Variants in BCKDHB observed in about 807,000 individuals in gnomAD.
BCKDHB encodes branched chain keto acid dehydrogenase E1 subunit beta, also known as 2-oxoisovalerate dehydrogenase subunit beta, mitochondrial.
In BCKDHB, 41 loss-of-function variants were observed where a neutral mutation model predicts 48.5. The observed-to-expected ratio is 0.85, with a 90% CI of 0.66 to 1.10. The LOEUF is 1.10. Ranked by LOEUF, BCKDHB falls within the 50% of genes least tolerant of loss-of-function variation. The pLI is 0.00. For synonymous variants in BCKDHB, 201 were observed against 174.8 expected (o/e 1.15, Z -1.18); for missense variants, 496 against 494.2 (o/e 1.00, Z -0.03).
At position 80,200,829 on chromosome 6, in the gene BCKDHB, AAAAAT is replaced by A. The variant is rs374515982; in HGVS notation, c.743-96_743-92del. The A allele has an allele frequency of 1.8e-3, 1,724 of 938,316 alleles. 6 individuals carry two copies. The highest frequency in any genetic ancestry group is 0.018 in the Middle Eastern group (56 of 3,112). 58.1% of individuals were successfully genotyped at this position (938,316 alleles called of 1,614,324 possible). A position where few individuals can be genotyped will look rare whatever the true frequency, so the allele number is the denominator to read the frequency against. ...AAGTAATACAGAATTTAGAGAAACA[AAAAAT>A]AAAATAAAGCTTTGCTACAGTGAGC... On this transcript the variant is annotated intron_variant, in intron 6 of 9. Transcript: ENST00000320393.
chr6:80,261,480 G>A (rs1246876636), intron 8 of BCKDHB, among the ~76,000 whole-genome samples: 1 of 151,936 alleles, frequency 6.6e-6, no homozygotes, highest in Non-Finnish European at 1.5e-5. Context: ...GACATTTGCA[G>A]CTGAGGCCAA....
At chr6:80,383,842 A>T in the BCKDHB span, among the ~76,000 whole-genome samples, 2 of 152,114 alleles carry the variant, frequency 1.3e-5, no homozygotes, top group South Asian at 2.1e-4. Context: ...TTTAACATAC[A>T]GTTAATTGTG....
chr6:80,233,065 A>C (rs1040545404), intron 8 of BCKDHB, among the ~76,000 whole-genome samples: 1 of 152,122 alleles, frequency 6.6e-6, no homozygotes, highest in Admixed American at 6.5e-5. Context: ...CTCCCTGTGC[A>C]CAATTGACAT....
intron 9 of BCKDHB, among the ~76,000 whole-genome samples, chr6:80,335,258 T>G (rs972492260): frequency 7.7e-6 from 1 of 129,976 alleles, no homozygotes. Context: ...GAAGAAAAAT[T>G]GAATGCTTTG....
chr6:80,323,804 G>C (rs576290308), intron 9 of BCKDHB, among the ~76,000 whole-genome samples: 3 of 152,228 alleles, frequency 2.0e-5, no homozygotes, highest in East Asian at 3.9e-4. Context: ...ACGGAATCTC[G>C]CTCTGTTGCC....
At chr6:80,287,719 T>A (rs557515738) in intron 9 of BCKDHB, among the ~76,000 whole-genome samples, 1 of 152,254 alleles carries the variant, frequency 6.6e-6, no homozygotes, top group Non-Finnish European at 1.5e-5. Context: ...ATTCCCTGTT[T>A]GTATAAGGTG....
At chr6:80,277,663 T>G (rs1582489458) in intron 9 of BCKDHB, among the ~76,000 whole-genome samples, 1 of 151,588 alleles carries the variant, frequency 6.6e-6, no homozygotes, top group Admixed American at 6.6e-5. Flanking sequence ...TTTGAGTTTT[T>G]TTTTTTTTTT....
the BCKDHB span, among the ~76,000 whole-genome samples, chr6:80,377,257 G>A: frequency 6.6e-6 from 1 of 152,034 alleles, no homozygotes; most frequent in South Asian, 2.1e-4. Flanking sequence ...GGCCAGGCTG[G>A]TCTCGAACTC....
chr6:80,174,720 ATCT>A (rs1438784395), intron 6 of BCKDHB, among the ~76,000 whole-genome samples: 2 of 152,120 alleles, frequency 1.3e-5, no homozygotes, highest in South Asian at 2.1e-4. Flanking sequence ...GGACACATTG[ATCT>A]TCTGCTTTGA....
intron 9 of BCKDHB, among the ~76,000 whole-genome samples, chr6:80,330,059 G>A (rs1399971485): frequency 6.6e-6 from 1 of 151,892 alleles, no homozygotes; most frequent in Non-Finnish European, 1.5e-5. Context: ...ATAGCAGGGT[G>A]TAGGAAAACA....
At chr6:80,164,233 C>G (rs1204378334) in intron 3 of BCKDHB, among the ~76,000 whole-genome samples, 2 of 152,204 alleles carry the variant, frequency 1.3e-5, no homozygotes, top group African/African-American at 2.4e-5. Flanking sequence ...TTGACTTTAT[C>G]TCCTACTACT....
chr6:80,375,547 A>C, the BCKDHB span, among the ~76,000 whole-genome samples: 1 of 150,382 alleles, frequency 6.6e-6, no homozygotes, highest in East Asian at 2.0e-4. Flanking sequence ...AGATTTTTTC[A>C]TTTATATCCT....
At chr6:80,173,300 T>C (rs1477997923) in intron 6 of BCKDHB, among the ~76,000 whole-genome samples, 3 of 152,130 alleles carry the variant, frequency 2.0e-5, no homozygotes, top group Admixed American at 1.3e-4. Flanking sequence ...TCATGTATCA[T>C]TTCAAGGATT....
chr6:80,191,693 A>G (rs1231233103), intron 6 of BCKDHB, among the ~76,000 whole-genome samples: 1 of 152,160 alleles, frequency 6.6e-6, no homozygotes, highest in Non-Finnish European at 1.5e-5. Flanking sequence ...AGCTTAGAAT[A>G]AAATTCCAGA....
chr6:80,420,598 G>A, the BCKDHB span, among the ~76,000 whole-genome samples: 1 of 152,204 alleles, frequency 6.6e-6, no homozygotes. Flanking sequence ...TGTGTTGTGT[G>A]TGGAAACACA....
chr6:80,359,812 CA>C, the BCKDHB span, among the ~76,000 whole-genome samples: 2 of 152,156 alleles, frequency 1.3e-5, no homozygotes, highest in Non-Finnish European at 2.9e-5. Context: ...AGGCTGGTCT[CA>C]AACTCCTGAC....
At chr6:80,413,155 G>A in the BCKDHB span, among the ~76,000 whole-genome samples, 1 of 151,932 alleles carries the variant, frequency 6.6e-6, no homozygotes, top group Non-Finnish European at 1.5e-5. Flanking sequence ...ATTACTTGAT[G>A]GTGCCCTATA....
At chr6:80,163,009 A>T (rs535131032) in intron 3 of BCKDHB, among the ~76,000 whole-genome samples, 1 of 149,298 alleles carries the variant, frequency 6.7e-6, no homozygotes, top group East Asian at 2.0e-4. Context: ...TGCAGCCTTG[A>T]CCTCCTGGGT....
chr6:80,453,290 C>G, the BCKDHB span: 1 of 152,142 alleles, frequency 6.6e-6, no homozygotes, highest in African/African-American at 2.4e-5. Context: ...CTTAAAGCCC[C>G]TGCCTAGAAG....
Sources: allele counts gnomAD v4.1 joint callset (sites outside exome capture counted in the v4.1 genomes callset), GRCh38; gene constraint gnomAD v4.1.1; transcripts MANE v1.5; gene names NCBI Gene and HGNC (gene_info 2026-07-23, HGNC 2026-07-21).